The following NELL1 variants were observed in gnomAD, a reference collection of about 807,000 sequenced individuals.
The protein encoded by NELL1 is protein kinase C-binding protein NELL1.
In NELL1, 76 loss-of-function variants were observed where a neutral mutation model predicts 107.4. The ratio of observed to expected loss-of-function variants is 0.71; its 90% CI spans 0.59 to 0.86. The LOEUF (loss-of-function observed/expected upper bound fraction) is 0.86, where lower values mean the gene tolerates loss of function less well. Ranked by LOEUF, NELL1 falls within the 40% of genes least tolerant of loss-of-function variation. NELL1 has a pLI of 0.00. For synonymous variants in NELL1, 353 were observed against 341.2 expected, an observed-to-expected ratio of 1.03 and a Z score of -0.38; for missense variants, 1,024 against 1,005.5, an observed-to-expected ratio of 1.02 and a Z score of -0.25.
chr11:21,184,600 A>G (rs190029690), intron 13 of NELL1, among the ~76,000 whole-genome samples: 6 of 152,036 alleles, frequency 3.9e-5, no homozygotes, highest in Admixed American at 3.9e-4. Flanking sequence ...CAAATGTGTC[A>G]GTCGAAAACA....
Position 20,739,961 on chromosome 11 carries a change from G to A in NELL1, c.185-43719G>A, listed in dbSNP as rs115042396. Among the ~76,000 whole-genome samples, 198 of 152,242 alleles carry A rather than the reference G, an allele frequency of 1.3e-3. 1 individual carries two copies. The highest frequency in any genetic ancestry group is 4.6e-3 in the African/African-American group (191 of 41,542). On this transcript the variant is annotated intron_variant, in intron 2 of 19. Coordinates refer to ENST00000357134, the MANE Select transcript of NELL1 (RefSeq NM_006157.5). ...ATACCAGGAGGAAGATTCAGAGAGG[G>A]AACTATTTATTCACTCAACAAATAT...
At chr11:21,338,932 G>A (rs1850499460) in intron 14 of NELL1, among the ~76,000 whole-genome samples, 2 of 151,920 alleles carry the variant, frequency 1.3e-5, no homozygotes, top group African/African-American at 2.4e-5. Context: ...TATGGAGAAG[G>A]GTCCACCTAT....
At position 21,075,068 on chromosome 11, in the gene NELL1, G is replaced by A. The variant is rs1225574972; in HGVS notation, c.1301-38521G>A. Among the ~76,000 whole-genome samples the A allele has an allele frequency of 2.0e-5, 3 of 152,158 alleles. No individual in the cohort carries two copies. The East Asian group carries it at 5.8e-4, about 29-fold the overall frequency. ...CTGTGGGCTCACTTCCCTCTTTCCT[G>A]TGTAGGGCTCATTTTTATTCAGAGA... On this transcript the variant is annotated intron_variant, in intron 12 of 19. Transcript: ENST00000357134.
At chr11:21,254,031 T>C (rs1203418102) in intron 14 of NELL1, among the ~76,000 whole-genome samples, 4 of 152,020 alleles carry the variant, frequency 2.6e-5, no homozygotes, top group African/African-American at 9.7e-5. Flanking sequence ...CAGAGGGACA[T>C]GTGGTGAAAA....
chr11:21,433,333 T>A (rs567997478), intron 15 of NELL1, among the ~76,000 whole-genome samples: 1 of 152,330 alleles, frequency 6.6e-6, no homozygotes, highest in South Asian at 2.1e-4. Context: ...AGTGCTGCAA[T>A]AAACATGGGG....
At chr11:20,956,425 T>A (rs1398814125) in intron 11 of NELL1, among the ~76,000 whole-genome samples, 1 of 151,988 alleles carries the variant, frequency 6.6e-6, no homozygotes, top group East Asian at 1.9e-4. Flanking sequence ...GGCGGGTAGA[T>A]CACGAGGTCA....
rs1464096529 is a variant in NELL1, at chr11:21,301,884, A to G, written c.1550-68969A>G. Among the ~76,000 whole-genome samples the G allele has an allele frequency of 2.0e-5, 3 of 152,010 alleles. No individual in the cohort carries two copies. The East Asian group carries it at 5.8e-4, about 29-fold the overall frequency. ...TAATAATGTAGCATTATTTCTTTTAATCCTCACAGCAATTCTGTAAGGCAG... is the reference window on the plus strand; with the variant it reads ...TAATAATGTAGCATTATTTCTTTTAGTCCTCACAGCAATTCTGTAAGGCAG... On this transcript the variant is annotated intron_variant, in intron 14 of 19. Transcript: ENST00000357134.
At chr11:20,990,424 T>C (rs969831526) in intron 12 of NELL1, among the ~76,000 whole-genome samples, 2 of 152,226 alleles carry the variant, frequency 1.3e-5, no homozygotes, top group Admixed American at 6.5e-5. Flanking sequence ...CACTTGACCA[T>C]AGAAAACATA....
chr11:21,256,943 A>G (rs1858785163), intron 14 of NELL1, among the ~76,000 whole-genome samples: 1 of 152,040 alleles, frequency 6.6e-6, no homozygotes, highest in Non-Finnish European at 1.5e-5. Flanking sequence ...GCAGGAACCC[A>G]ATCCTGGTAG....
intron 15 of NELL1, among the ~76,000 whole-genome samples, chr11:21,498,561 G>T (rs974173073): frequency 2.6e-5 from 4 of 151,516 alleles, no homozygotes; most frequent in African/African-American, 9.7e-5. Flanking sequence ...CATTCTTCTA[G>T]TGATCAACGT....
chr11:21,007,097 G>C (rs1023415449), intron 12 of NELL1, among the ~76,000 whole-genome samples: 13 of 151,942 alleles, frequency 8.6e-5, no homozygotes, highest in African/African-American at 3.1e-4. Flanking sequence ...CTGTTCTCTT[G>C]AGCAAGGAAG....
intron 2 of NELL1, among the ~76,000 whole-genome samples, chr11:20,684,057 A>G (rs1854250391): frequency 7.0e-6 from 1 of 143,104 alleles, no homozygotes; most frequent in East Asian, 2.0e-4. Context: ...AATTACATGT[A>G]TATATTTGAC....
intron 14 of NELL1, among the ~76,000 whole-genome samples, chr11:21,316,801 C>T (rs1302577475): frequency 1.3e-5 from 2 of 152,094 alleles, no homozygotes; most frequent in African/African-American, 4.8e-5. Context: ...GAGAATGATG[C>T]TCAGAGTCTC....
intron 14 of NELL1, among the ~76,000 whole-genome samples, chr11:21,270,615 A>ATG (rs1848720030): frequency 6.6e-6 from 1 of 151,936 alleles, no homozygotes; most frequent in African/African-American, 2.4e-5. Context: ...TCTGAAATAA[A>ATG]CAGAGTCTGC....
intron 2 of NELL1, among the ~76,000 whole-genome samples, chr11:20,682,531 T>A (rs1854214371): frequency 6.6e-6 from 1 of 152,022 alleles, no homozygotes; most frequent in Admixed American, 6.6e-5. Flanking sequence ...CGTAGATTCA[T>A]CAAATTATTC....
At chr11:20,960,797 A>C (rs988737631) in intron 12 of NELL1, among the ~76,000 whole-genome samples, 5 of 152,232 alleles carry the variant, frequency 3.3e-5, no homozygotes, top group African/African-American at 9.6e-5. Context: ...CAAAGGCAAC[A>C]GGGACATATC....
At chr11:21,155,192 A>G (rs915979106) in intron 13 of NELL1, among the ~76,000 whole-genome samples, 14 of 152,166 alleles carry the variant, frequency 9.2e-5, no homozygotes, top group African/African-American at 3.1e-4. Context: ...GGATGATGGT[A>G]TTACTAACCA....
intron 13 of NELL1, among the ~76,000 whole-genome samples, chr11:21,128,345 A>G (rs1295611330): frequency 6.6e-6 from 1 of 152,118 alleles, no homozygotes; most frequent in Non-Finnish European, 1.5e-5. Flanking sequence ...TCCCTAGATG[A>G]ATTAGCATTT....
chr11:21,211,061 TG>T (rs2133860339), intron 13 of NELL1, among the ~76,000 whole-genome samples: 1 of 152,274 alleles, frequency 6.6e-6, no homozygotes, highest in East Asian at 1.9e-4. Flanking sequence ...AAGAAATATG[TG>T]GTTTCTATTA....
Sources: allele counts gnomAD v4.1 joint callset (sites outside exome capture counted in the v4.1 genomes callset), GRCh38; gene constraint gnomAD v4.1.1; transcripts MANE v1.5; gene names NCBI Gene and HGNC (gene_info 2026-07-23, HGNC 2026-07-21).